The following ZNF142 variants were observed in gnomAD, a reference collection of about 807,000 sequenced individuals.
The protein encoded by ZNF142 is zinc finger protein 142 (clone pHZ-49).
ZNF142 carries 96 observed loss-of-function variants against 132.1 expected under a neutral mutation model. The ratio of observed to expected loss-of-function variants is 0.73; its 90% CI spans 0.62 to 0.86. ZNF142 has a LOEUF of 0.86. Ranked by LOEUF, ZNF142 falls within the 40% of genes least tolerant of loss-of-function variation. ZNF142 has a pLI of 0.00. For missense variants in ZNF142, 2,163 were observed against 2,336.2 expected (o/e 0.93, Z 1.53); for synonymous variants, 842 against 890.1 (o/e 0.95, Z 0.96).
chr2:218,654,688 T>C (rs1222369394), intron 4 of ZNF142, among the ~76,000 whole-genome samples: 4 of 152,104 alleles, frequency 2.6e-5, no homozygotes, highest in African/African-American at 9.7e-5. Context: ...TTAACTGGAA[T>C]TTATTTCTTT....
intron 10 of ZNF142, among the ~76,000 whole-genome samples, chr2:218,639,700 C>A (rs552007234): frequency 4.1e-5 from 6 of 146,788 alleles, no homozygotes; most frequent in Admixed American, 6.9e-5. Context: ...CCACTGCACT[C>A]CAGCATGGGC....
chr2:218,634,763 C>T lies in ZNF142; in HGVS notation c.*3576G>A, dbSNP rs1197385713. The T allele has an allele frequency of 2.1e-5, 23 of 1,103,612 alleles. No homozygotes were observed. Among genetic ancestry groups the T allele is most frequent in the Non-Finnish European group, 3.0e-5 (23 of 769,344 alleles). 68.4% of individuals were successfully genotyped at this position (1,103,612 alleles called of 1,614,324 possible). On this transcript the variant is annotated 3_prime_UTR_variant, in exon 11 of 11. Coordinates refer to ENST00000411696, the MANE Select transcript of ZNF142 (RefSeq NM_001379659.1). This position sits in a 1 kb window ranked among gnomAD's most constrained non-coding sequence, Gnocchi z 4.0. ...AGTGTCTAGTTTTAGCTTTTGGAGCCAGCTGCCTAGCTTCAAACCACAACT... is the reference window on the plus strand; with the variant it reads ...AGTGTCTAGTTTTAGCTTTTGGAGCTAGCTGCCTAGCTTCAAACCACAACT...
chr2:218,655,339 T>C (rs930272781), intron 4 of ZNF142, among the ~76,000 whole-genome samples: 2 of 152,140 alleles, frequency 1.3e-5, no homozygotes, highest in African/African-American at 4.8e-5. Flanking sequence ...CCAACTGAAG[T>C]GGTGACAACT....
rs1696786078 is a variant in ZNF142 at position 218,636,802 on chromosome 2, T to C, written c.*1537A>G. 1.6e-6 allele frequency: 1 copy of C among 617,716 alleles called. No homozygotes were observed. The highest frequency in any genetic ancestry group is 3.0e-6 in the Non-Finnish European group (1 of 337,614). 38.3% of individuals were successfully genotyped at this position (617,716 alleles called of 1,614,324 possible). On this transcript the variant is annotated 3_prime_UTR_variant, in exon 11 of 11. Coordinates refer to ENST00000411696, the MANE Select transcript of ZNF142 (RefSeq NM_001379659.1). ...TGTTTTCATAAGCCTTTGGTATCTT[T>C]CCTGCCCTTTTCCTTTGTGTACTCT...
At position 218,638,346 on chromosome 2, in the gene ZNF142, T is replaced by G. The variant is rs1467909446; in HGVS notation, c.5657A>C (p.Glu1886Ala). 1 of 1,515,274 alleles carries G rather than the reference T, an allele frequency of 6.6e-7. No individual in the cohort carries two copies. The highest frequency in any genetic ancestry group is 1.3e-5 in the South Asian group (1 of 75,076). The allele number at this position is 1,515,274 out of a possible 1,614,324, so 93.9% of individuals were successfully genotyped here. A position where few individuals can be genotyped will look rare whatever the true frequency, so the allele number is the denominator to read the frequency against. Reference protein sequence around the residue: ...PAPAAPHTGPEG With the variant: ...PAPAAPHTGPAG Reference sequence around the variant, plus strand: ...AGGAGGTGGGGCAGGCTTTCAGCCCTCAGGTCCAGTGTGGGGAGCGGCAGG... The same window carrying G: ...AGGAGGTGGGGCAGGCTTTCAGCCCGCAGGTCCAGTGTGGGGAGCGGCAGG... Residue 1886 changes from glutamate (E) to alanine (A), a missense_variant, in exon 11 of 11, where the codon GAG becomes GCG. Glu to Ala is a moderately radical substitution (Grantham distance 107, BLOSUM62 -1). Around this residue, in one of 7 missense-constraint regions of ZNF142, gnomAD observed 325 missense variants for 367.8 expected, o/e 0.88. Coordinates refer to ENST00000411696, the MANE Select transcript of ZNF142 (RefSeq NM_001379659.1).
chr2:218,645,377 A>G (rs1489016198), intron 8 of ZNF142, among the ~76,000 whole-genome samples: 1 of 152,204 alleles, frequency 6.6e-6, no homozygotes, highest in East Asian at 1.9e-4. Flanking sequence ...ATCATGAATC[A>G]GCATGACCCA....
At position 218,656,236 on chromosome 2, in the gene ZNF142, G is replaced by A; in HGVS notation, c.194C>T (p.Ala65Val). The stretch of plus-strand genomic sequence containing the variant: ...CATGTTCCCTGGTCCCTCTTCAGTT[G>A]CTGTGGCCTCTACCAGCAGGCAGCC... Reference protein sequence around the residue: ...EPGCLLVEATATEEGPGNMEI... With the variant: ...EPGCLLVEATVTEEGPGNMEI... The change falls in exon 4 of 11, where the codon GCA (alanine) becomes GTA (valine). Residue 65 changes from alanine (A) to valine (V), a missense_variant. Transcript: ENST00000411696. 6 of 1,613,466 alleles carry A rather than the reference G, an allele frequency of 3.7e-6. No individual in the cohort carries two copies. Among genetic ancestry groups the A allele is most frequent in the Non-Finnish European group, 5.1e-6 (6 of 1,179,680 alleles).
Position 218,638,309 on chromosome 2 carries a change from C to T in ZNF142, c.*30G>A. The T allele has an allele frequency of 2.7e-6, 4 of 1,488,820 alleles. No individual in the cohort carries two copies. In the South Asian group the frequency reaches 5.6e-5, roughly 21 times the overall value. The allele number at this position is 1,488,820 out of a possible 1,614,324, so 92.2% of individuals were successfully genotyped here. On this transcript the variant is annotated 3_prime_UTR_variant, in exon 11 of 11. Coordinates refer to ENST00000411696, the MANE Select transcript of ZNF142 (RefSeq NM_001379659.1). Reference sequence around the variant, plus strand: ...CAGTCTGCACATCTCAGACCATACCCTCTTCCTATACAGGAGGTGGGGCAG... The same window carrying T: ...CAGTCTGCACATCTCAGACCATACCTTCTTCCTATACAGGAGGTGGGGCAG...
At position 218,636,613 on chromosome 2, in the gene ZNF142, T is replaced by A. The variant is rs1040235865; in HGVS notation, c.*1726A>T. 3 of 1,585,790 alleles carry A rather than the reference T, an allele frequency of 1.9e-6. No individual in the cohort carries two copies. The highest frequency in any genetic ancestry group is 2.6e-6 in the Non-Finnish European group (3 of 1,156,648). On this transcript the variant is annotated 3_prime_UTR_variant, in exon 11 of 11. Transcript: ENST00000411696. ...TCACGGGAAGGGTTGGTGTGCTGGC[T>A]TTAGACGGGGAGAAACATCTGGAAG...
intron 3 of ZNF142, among the ~76,000 whole-genome samples, chr2:218,657,388 C>T (rs568707790): frequency 6.6e-6 from 1 of 152,144 alleles, no homozygotes; most frequent in Non-Finnish European, 1.5e-5. Context: ...AATTAACTAT[C>T]CTTGAAGAAG....
In ZNF142 at chr2:218,650,368, G is replaced by T. The variant is rs200776065; in HGVS notation, c.1039C>A (p.Arg347=). The T allele has an allele frequency of 6.2e-7, 1 of 1,614,174 alleles. No individual in the cohort carries two copies. The highest frequency in any genetic ancestry group is 1.3e-5 in the African/African-American group (1 of 75,040). ...CTCAGAATGTCATTACCTTCCAGCC[G>T]CTGAGCCCCTTGGCCTTTATCCACA... is the stretch of plus-strand genomic sequence containing the variant. ...KAVDKGQGAQ[R]LEGDVVSGTE... Residue 347 remains arginine, a synonymous_variant, in exon 6 of 11, where the codon CGG becomes AGG. Coordinates refer to ENST00000411696, the MANE Select transcript of ZNF142 (RefSeq NM_001379659.1).
chr2:218,656,472 C>A lies in ZNF142; in HGVS notation c.-34-9G>T. The A allele has an allele frequency of 4.2e-6, 6 of 1,422,450 alleles. No homozygotes were observed. The highest frequency in any genetic ancestry group is 2.5e-5 in the East Asian group (1 of 40,588). 88.1% of individuals were successfully genotyped at this position (1,422,450 alleles called of 1,614,324 possible). ...TTTTGGCTTCTTAAATGCTGACAAG[C>A]CAACCAGAAGAAAAACAAAGTAAGG... On this transcript the variant is annotated splice_polypyrimidine_tract_variant and intron_variant, in intron 3 of 10. Transcript: ENST00000411696.
chr2:218,635,795 G>C lies in ZNF142; in HGVS notation c.*2544C>G. Reference sequence around the variant, plus strand: ...GTGAGATTCCAGAGCCCTGACTACAGGTGATCAGCGGTCAGCAACTCCCCA... The same window carrying C: ...GTGAGATTCCAGAGCCCTGACTACACGTGATCAGCGGTCAGCAACTCCCCA... On this transcript the variant is annotated 3_prime_UTR_variant, in exon 11 of 11. Coordinates refer to ENST00000411696, the MANE Select transcript of ZNF142 (RefSeq NM_001379659.1). 1 of 1,611,510 alleles carries C rather than the reference G, an allele frequency of 6.2e-7. No homozygotes were observed. The highest frequency in any genetic ancestry group is 8.5e-7 in the Non-Finnish European group (1 of 1,178,892).
intron 7 of ZNF142, 114 bp from the exon 8 acceptor site, chr2:218,646,462 T>G: frequency 8.3e-7 from 1 of 1,207,552 alleles, no homozygotes; most frequent in Non-Finnish European, 1.2e-6. Context: ...AACAGCTTCA[T>G]GTGCTACCTG....
Position 218,633,412 on chromosome 2 carries a change from GTCTA to G in ZNF142, c.*4923_*4926del. On this transcript the variant is annotated 3_prime_UTR_variant, in exon 11 of 11. Coordinates refer to ENST00000411696, the MANE Select transcript of ZNF142 (RefSeq NM_001379659.1). ...TTGTGACGTGCCCGCTGTTTTGTCC[GTCTA>G]TCTGTTGTCAGATTGTGGCCCAGGC... is the stretch of plus-strand genomic sequence containing the variant. 2 of 734,378 alleles carry G rather than the reference GTCTA, an allele frequency of 2.7e-6. No individual in the cohort carries two copies. Among genetic ancestry groups the G allele is most frequent in the South Asian group, 1.5e-5 (1 of 68,154 alleles). The allele number at this position is 734,378 out of a possible 1,614,324, so 45.5% of individuals were successfully genotyped here.
In ZNF142 at chr2:218,656,332, T is replaced by C; in HGVS notation, c.98A>G (p.Asn33Ser). 1.9e-6 allele frequency: 3 copies of C among 1,596,108 alleles called. No homozygotes were observed. Among genetic ancestry groups the C allele is most frequent in the Non-Finnish European group, 2.6e-6 (3 of 1,169,070 alleles). ...CTGGACAGGCCCCAGGATTCCACGG[T>C]TAGAGAGAGGCGGGGGGATCAGCAA... ...ELLLIPPPLS[N>S]RGILGPVQSP... Residue 33 changes from asparagine (N) to serine (S), a missense_variant, in exon 4 of 11, where the codon AAC (asparagine) becomes AGC (serine). By Grantham distance (46) the Asn-to-Ser change is conservative. Coordinates refer to ENST00000411696, the MANE Select transcript of ZNF142 (RefSeq NM_001379659.1).
In ZNF142 at chr2:218,642,695, C is replaced by T. The variant is rs199826277; in HGVS notation, c.4421G>A (p.Arg1474His). 9.3e-6 allele frequency: 15 copies of T among 1,614,044 alleles called. No individual in the cohort carries two copies. Among genetic ancestry groups the T allele is most frequent in the East Asian group, 4.5e-5 (2 of 44,890 alleles). ...GCCTTGGTGGCAGCTGTTGACATGA[C>T]GAGTGATGTCATGGCGAAGGTAGCC... ...YSGYLRHDIT[R>H]HVNSCHQGTP... The change falls in exon 9 of 11, where the codon CGT (arginine) becomes CAT (histidine). Residue 1474 changes from arginine (R) to histidine (H), a missense_variant. This residue lies in a region of ZNF142 where 809 missense variants were observed against 801.7 expected (regional missense o/e 1.01). Coordinates refer to ENST00000411696, the MANE Select transcript of ZNF142 (RefSeq NM_001379659.1). The surrounding 1 kb of genome is among the most constrained non-coding windows in gnomAD (Gnocchi z 4.6).
chr2:218,643,349 C>A lies in ZNF142; in HGVS notation c.3767G>T (p.Gly1256Val). 1 of 1,614,208 alleles carries A rather than the reference C, an allele frequency of 6.2e-7. No homozygotes were observed. The highest frequency in any genetic ancestry group is 8.5e-7 in the Non-Finnish European group (1 of 1,180,022). ...AEGCRGGRGG[G>V]GKRGTPQTQP... ...GGTCTGGGGGGTCCCTCGTTTTCCTCCCCCGCCACGTCCCCCCCTGCAGCC... is the reference window on the plus strand; with the variant it reads ...GGTCTGGGGGGTCCCTCGTTTTCCTACCCCGCCACGTCCCCCCCTGCAGCC... Residue 1256 changes from glycine to valine, a missense_variant, in exon 9 of 11, where the codon GGA becomes GTA. Gly to Val is a moderately radical substitution (Grantham distance 109). Around this residue, in one of 7 missense-constraint regions of ZNF142, gnomAD observed 809 missense variants for 801.7 expected, o/e 1.01. Coordinates refer to ENST00000411696, the MANE Select transcript of ZNF142 (RefSeq NM_001379659.1).
At chr2:218,654,735 CT>C (rs1473001072) in intron 4 of ZNF142, among the ~76,000 whole-genome samples, 7 of 151,660 alleles carry the variant, frequency 4.6e-5, no homozygotes, top group African/African-American at 1.7e-4. Flanking sequence ...ATGGTTACTA[CT>C]TTTATTTCTT....
Sources: allele counts gnomAD v4.1 joint callset (sites outside exome capture counted in the v4.1 genomes callset), GRCh38; gene constraint gnomAD v4.1.1; regional missense constraint gnomAD v4.1.1; non-coding constraint Gnocchi (gnomAD v3.1); transcripts MANE v1.5; gene names NCBI Gene and HGNC (gene_info 2026-07-23, HGNC 2026-07-21).